The following SDK1 variants were observed in gnomAD, a reference collection of about 807,000 sequenced individuals.
SDK1 encodes sidekick cell adhesion molecule 1.
SDK1 carries 157 observed loss-of-function variants against 245.5 expected under a neutral mutation model. The observed-to-expected ratio is 0.64, with a 90% CI of 0.56 to 0.73. The LOEUF is 0.73. Ranked by LOEUF, SDK1 falls within the 30% of genes least tolerant of loss-of-function variation. The pLI, the probability that SDK1 is intolerant of heterozygous loss-of-function variation, is 0.00. For missense variants in SDK1, 3,583 were observed against 3,002.3 expected, an observed-to-expected ratio of 1.19 and a Z score of -4.52; for synonymous variants, 1,647 against 1,278.5, an observed-to-expected ratio of 1.29 and a Z score of -6.15.
intron 40 of SDK1, among the ~76,000 whole-genome samples, chr7:4,226,709 G>T (rs1418103375): frequency 6.6e-6 from 1 of 152,154 alleles, no homozygotes; most frequent in Non-Finnish European, 1.5e-5. Context: ...AATTGGTGTT[G>T]CAAAACTCCC....
At chr7:3,729,077 T>C (rs1053147915) in intron 4 of SDK1, among the ~76,000 whole-genome samples, 2 of 152,238 alleles carry the variant, frequency 1.3e-5, no homozygotes, top group African/African-American at 4.8e-5. Context: ...TCATTTGCTT[T>C]AACCATACTG....
At chr7:3,870,811 C>T (rs577902581) in intron 5 of SDK1, among the ~76,000 whole-genome samples, 8 of 152,238 alleles carry the variant, frequency 5.3e-5, no homozygotes, top group African/African-American at 1.9e-4. Context: ...TTGCAGTATC[C>T]ACTCCAAGGC....
Position 3,951,698 on chromosome 7 carries a change from ATCG to A in SDK1, c.960-26_960-24del, listed in dbSNP as rs747827279. 5 of 1,601,924 alleles carry A rather than the reference ATCG, an allele frequency of 3.1e-6. No homozygotes were observed. The South Asian group carries it at 4.4e-5, about 14-fold the overall frequency. ...ACCGTTGCCACCTCCCTGAGTCACA[ATCG>A]TCGTCATGAATGCCTTTCATTCCCA... On this transcript the variant is annotated intron_variant, in intron 6 of 44. Coordinates refer to ENST00000404826, the MANE Select transcript of SDK1 (RefSeq NM_152744.4).
chr7:3,612,390 C>T (rs919709), intron 1 of SDK1, among the ~76,000 whole-genome samples: 87,768 of 151,920 alleles, frequency 0.58, 25,830 homozygotes, highest in South Asian at 0.75. Flanking sequence ...AATTGTTGTC[C>T]TTAAAAAGAT....
At chr7:4,263,358 G>C (rs1290167999) in intron 44 of SDK1, among the ~76,000 whole-genome samples, 3 of 151,386 alleles carry the variant, frequency 2.0e-5, no homozygotes, top group Non-Finnish European at 4.4e-5. Context: ...CCTGTGTGGG[G>C]AGGCTGCGTA....
intron 1 of SDK1, among the ~76,000 whole-genome samples, chr7:3,550,229 A>T (rs1484888910): frequency 6.6e-6 from 1 of 152,210 alleles, no homozygotes; most frequent in Non-Finnish European, 1.5e-5. Context: ...AGGATTTCTT[A>T]AAGAGGCTGC....
chr7:3,549,263 A>G (rs1325796757), intron 1 of SDK1, among the ~76,000 whole-genome samples: 1 of 152,144 alleles, frequency 6.6e-6, no homozygotes, highest in Non-Finnish European at 1.5e-5. Context: ...TCCTGTGAGG[A>G]TGCGTTGTTT....
intron 28 of SDK1, among the ~76,000 whole-genome samples, chr7:4,143,058 G>A (rs774916594): frequency 2.0e-5 from 3 of 152,148 alleles, no homozygotes; most frequent in South Asian, 4.1e-4. Flanking sequence ...TGAGGCACAC[G>A]CTGTAGGTAG....
intron 5 of SDK1, among the ~76,000 whole-genome samples, chr7:3,929,280 T>A (rs1331959480): frequency 6.6e-6 from 1 of 152,224 alleles, no homozygotes; most frequent in Non-Finnish European, 1.5e-5. Context: ...ATCTACAGAT[T>A]CCTCGGTGTG....
chr7:3,953,623 A>AT lies in SDK1; in HGVS notation c.1150+1706dup, dbSNP rs544168383. On this transcript the variant is annotated intron_variant, in intron 7 of 44. Transcript: ENST00000404826. ...TACCGTGTTCAAACATTTTAAGGTA[A>AT]TTTAAACAAGAGAAGAAATTTATCT... is the stretch of plus-strand genomic sequence containing the variant. Among the ~76,000 whole-genome samples, 15 of 152,346 alleles carry AT rather than the reference A, an allele frequency of 9.8e-5. No individual in the cohort carries two copies. The South Asian group carries it at 3.1e-3, about 32-fold the overall frequency.
chr7:3,441,764 C>G (rs755999163), intron 1 of SDK1, among the ~76,000 whole-genome samples: 5 of 152,180 alleles, frequency 3.3e-5, no homozygotes, highest in Non-Finnish European at 7.3e-5. Flanking sequence ...GACATCTTAA[C>G]AACATCGAGT....
chr7:3,392,602 A>G (rs1402791568), intron 1 of SDK1, among the ~76,000 whole-genome samples: 2 of 152,178 alleles, frequency 1.3e-5, no homozygotes, highest in African/African-American at 4.8e-5. Context: ...ACTTCTAAGC[A>G]ATAATTTCCC....
At chr7:3,634,286 G>T (rs1204577397) in intron 2 of SDK1, among the ~76,000 whole-genome samples, 1 of 152,138 alleles carries the variant, frequency 6.6e-6, no homozygotes, top group East Asian at 1.9e-4. Context: ...GTTGTTCCTG[G>T]GCTGAGATGG....
At chr7:4,065,478 AG>A (rs1779814870) in intron 19 of SDK1, among the ~76,000 whole-genome samples, 1 of 152,138 alleles carries the variant, frequency 6.6e-6, no homozygotes, top group African/African-American at 2.4e-5. Context: ...AGGAGCAAAA[AG>A]GTTTCTTTCC....
intron 5 of SDK1, among the ~76,000 whole-genome samples, chr7:3,873,376 G>C (rs1781003699): frequency 6.6e-6 from 1 of 151,662 alleles, no homozygotes; most frequent in Non-Finnish European, 1.5e-5. Flanking sequence ...TTTTTTATTT[G>C]TCCCTTCTTT....
chr7:4,198,304 C>T (rs1003899168), intron 35 of SDK1, among the ~76,000 whole-genome samples: 9 of 152,212 alleles, frequency 5.9e-5, no homozygotes, highest in African/African-American at 2.2e-4. Flanking sequence ...TCCCACTGCA[C>T]CCCTGACAGC....
intron 41 of SDK1, among the ~76,000 whole-genome samples, chr7:4,235,466 C>G (rs796306150): frequency 1.3e-4 from 20 of 152,216 alleles, no homozygotes; most frequent in African/African-American, 4.8e-4. Flanking sequence ...GCCCAGCTGA[C>G]CACTTGATTT....
chr7:3,417,632 A>G (rs1025264508), intron 1 of SDK1, among the ~76,000 whole-genome samples: 13 of 152,180 alleles, frequency 8.5e-5, no homozygotes, highest in African/African-American at 2.9e-4. Context: ...ATTTATCACA[A>G]TTGTAATCAA....
intron 25 of SDK1, among the ~76,000 whole-genome samples, chr7:4,116,853 G>A (rs1783747056): frequency 6.6e-6 from 1 of 152,200 alleles, no homozygotes; most frequent in African/African-American, 2.4e-5. Flanking sequence ...CTTCTGAGAG[G>A]ACCAGTGTTT....
Sources: allele counts gnomAD v4.1 joint callset (sites outside exome capture counted in the v4.1 genomes callset), GRCh38; gene constraint gnomAD v4.1.1; transcripts MANE v1.5; gene names NCBI Gene and HGNC (gene_info 2026-07-23, HGNC 2026-07-21).